The following NOL4 variants were observed in gnomAD, a reference collection of about 807,000 sequenced individuals.
The protein encoded by NOL4 is cancer/testis antigen 125.
A neutral mutation model predicts 75.9 loss-of-function variants in NOL4; 17 were observed. The observed-to-expected ratio is 0.22, with a 90% CI of 0.15 to 0.34. The LOEUF (loss-of-function observed/expected upper bound fraction) is 0.34, where lower values mean the gene tolerates loss of function less well. Among genes scored for constraint, NOL4 ranks in the 10% least tolerant of loss-of-function variants. The probability of loss-of-function intolerance (pLI) is 1.00; values close to 1 mark genes in which losing one functional copy is unlikely to be tolerated. For synonymous variants in NOL4, 292 were observed against 289.9 expected (o/e 1.01, Z -0.07); for missense variants, 614 against 793.5 (o/e 0.77, Z 2.72).
At chr18:34,192,191 G>A (rs1249510553) in intron 1 of NOL4, among the ~76,000 whole-genome samples, 2 of 152,066 alleles carry the variant, frequency 1.3e-5, no homozygotes, top group African/African-American at 4.8e-5. Flanking sequence ...TGCTTCTTTA[G>A]TAAAACAAAT....
intron 6 of NOL4, among the ~76,000 whole-genome samples, chr18:33,961,181 T>C (rs1242868372): frequency 6.6e-6 from 1 of 152,090 alleles, no homozygotes; most frequent in Non-Finnish European, 1.5e-5. Context: ...ATGTGTCAAC[T>C]TGACAGGATG....
At chr18:33,855,463 C>T (rs2062796035) in intron 10 of NOL4, among the ~76,000 whole-genome samples, 2 of 152,028 alleles carry the variant, frequency 1.3e-5, no homozygotes, top group Admixed American at 6.6e-5. Context: ...CTGAGAAGCA[C>T]GGCTCTGGAA....
At chr18:34,093,229 G>A in intron 5 of NOL4, among the ~76,000 whole-genome samples, 1 of 152,108 alleles carries the variant, frequency 6.6e-6, no homozygotes, top group Admixed American at 6.5e-5. Flanking sequence ...GAATTAACTT[G>A]AATTTTATAA....
At chr18:34,158,309 C>A (rs1403221441) in intron 1 of NOL4, among the ~76,000 whole-genome samples, 11 of 152,096 alleles carry the variant, frequency 7.2e-5, no homozygotes, top group Admixed American at 3.9e-4. Flanking sequence ...CAGGGAGAGT[C>A]TTTTTTACTA....
At chr18:33,910,966 C>T (rs1036064035) in intron 9 of NOL4, among the ~76,000 whole-genome samples, 1 of 152,174 alleles carries the variant, frequency 6.6e-6, no homozygotes, top group Non-Finnish European at 1.5e-5. Flanking sequence ...GCCTGCCACA[C>T]AGCATCATTC....
intron 2 of NOL4, among the ~76,000 whole-genome samples, chr18:34,107,300 A>C (rs974139738): frequency 6.6e-6 from 1 of 152,102 alleles, no homozygotes; most frequent in African/African-American, 2.4e-5. Flanking sequence ...ATGGTCAAAA[A>C]TGTTTGTGTT....
intron 5 of NOL4, among the ~76,000 whole-genome samples, chr18:34,027,673 C>A (rs2075413100): frequency 6.6e-6 from 1 of 152,126 alleles, no homozygotes; most frequent in Admixed American, 6.5e-5. Flanking sequence ...GGATGTAAGT[C>A]ATATTTTCCC....
intron 10 of NOL4, among the ~76,000 whole-genome samples, chr18:33,861,684 A>G (rs1396226435): frequency 2.6e-5 from 4 of 152,186 alleles, no homozygotes; most frequent in Non-Finnish European, 2.9e-5. Context: ...TTCAAAGAGA[A>G]TAAAATACCT....
intron 1 of NOL4, among the ~76,000 whole-genome samples, chr18:34,202,269 G>A (rs2035794854): frequency 6.6e-6 from 1 of 151,686 alleles, no homozygotes; most frequent in Non-Finnish European, 1.5e-5. Flanking sequence ...TGCTGTTAAG[G>A]GCTTATGTTT....
At chr18:33,995,478 A>G (rs185097438) in intron 6 of NOL4, among the ~76,000 whole-genome samples, 14 of 151,784 alleles carry the variant, frequency 9.2e-5, no homozygotes, top group Admixed American at 8.6e-4. Flanking sequence ...CAATCATATC[A>G]ACAGAATAAA....
chr18:34,113,955 T>C (rs1161506513), intron 2 of NOL4, among the ~76,000 whole-genome samples: 1 of 152,244 alleles, frequency 6.6e-6, no homozygotes, highest in African/African-American at 2.4e-5. Flanking sequence ...CTCAGGGACA[T>C]GTCCCTCAAG....
chr18:34,195,903 A>G (rs904771361), intron 1 of NOL4, among the ~76,000 whole-genome samples: 1 of 152,150 alleles, frequency 6.6e-6, no homozygotes, highest in Non-Finnish European at 1.5e-5. Flanking sequence ...AATCTCTCCC[A>G]GTAGATAAAG....
chr18:33,913,707 A>G (rs1193113785), intron 9 of NOL4, among the ~76,000 whole-genome samples: 2 of 152,084 alleles, frequency 1.3e-5, no homozygotes, highest in African/African-American at 4.8e-5. Context: ...TGAAATCTAA[A>G]CCTGTGAACT....
At chr18:33,940,424 A>C (rs1326824747) in intron 9 of NOL4, among the ~76,000 whole-genome samples, 1 of 152,046 alleles carries the variant, frequency 6.6e-6, no homozygotes, top group African/African-American at 2.4e-5. Flanking sequence ...ACTGGAAACC[A>C]TCATTCTCAG....
chr18:33,894,730 C>G (rs1323242644), intron 9 of NOL4, among the ~76,000 whole-genome samples: 1 of 152,006 alleles, frequency 6.6e-6, no homozygotes, highest in African/African-American at 2.4e-5. Flanking sequence ...ATTTTATTAA[C>G]AATAAAGGTT....
At chr18:33,989,001 G>T (rs1436390447) in intron 6 of NOL4, among the ~76,000 whole-genome samples, 1 of 151,528 alleles carries the variant, frequency 6.6e-6, no homozygotes, top group African/African-American at 2.4e-5. Context: ...TTTGAGACTG[G>T]TATGGGCAAG....
chr18:34,015,070 T>A (rs747844201), intron 6 of NOL4, among the ~76,000 whole-genome samples: 1 of 151,992 alleles, frequency 6.6e-6, no homozygotes, highest in African/African-American at 2.4e-5. Context: ...ACAGAAGTGA[T>A]GGAACAATCC....
At chr18:34,136,888 C>T (rs2080915270) in intron 1 of NOL4, among the ~76,000 whole-genome samples, 1 of 152,002 alleles carries the variant, frequency 6.6e-6, no homozygotes, top group African/African-American at 2.4e-5. Context: ...ATTCGGAGTT[C>T]ATACACTTCT....
At chr18:34,044,584 A>T (rs2076280089) in intron 5 of NOL4, among the ~76,000 whole-genome samples, 1 of 152,038 alleles carries the variant, frequency 6.6e-6, no homozygotes, top group Non-Finnish European at 1.5e-5. Context: ...TAAAGAGGAA[A>T]CAACATATAG....
Sources: gnomAD v4.1 joint callset for allele counts (sites outside exome capture counted in the v4.1 genomes callset) on GRCh38, gnomAD v4.1.1 for gene constraint, MANE v1.5 for transcripts, NCBI Gene and HGNC (gene_info 2026-07-23, HGNC 2026-07-21) for gene names.